The following TM7SF3 variants were observed in gnomAD, a reference collection of about 807,000 sequenced individuals.
TM7SF3 encodes transmembrane 7 superfamily member 3.
In TM7SF3, 60 loss-of-function variants were observed where a neutral mutation model predicts 65.5. That is an observed-to-expected ratio of 0.92 (90% confidence interval 0.74 to 1.14). TM7SF3 has a LOEUF of 1.14. Among genes scored for constraint, TM7SF3 ranks in the 50% most tolerant of loss-of-function variants. The pLI, the probability that TM7SF3 is intolerant of heterozygous loss-of-function variation, is 0.00. For synonymous variants in TM7SF3, 264 were observed against 259.6 expected, an observed-to-expected ratio of 1.02 and a Z score of -0.16; for missense variants, 623 against 684.8, an observed-to-expected ratio of 0.91 and a Z score of 1.01.
intron 1 of TM7SF3, chr12:27,013,159 T>C (rs1941315655): frequency 5.9e-6 from 1 of 169,180 alleles, no homozygotes; most frequent in Admixed American, 5.5e-5. Context: ...CTCTATTAAA[T>C]TGTTATTTTT....
chr12:27,011,306 T>A (rs138138811), intron 1 of TM7SF3, among the ~76,000 whole-genome samples: 1 of 152,254 alleles, frequency 6.6e-6, no homozygotes, highest in Non-Finnish European at 1.5e-5. Flanking sequence ...CCAATTACTA[T>A]GAAATTCCAC....
At position 26,976,309 on chromosome 12, in the gene TM7SF3, GAGAA is replaced by G. The variant is rs879126426; in HGVS notation, c.1234_1237del (p.Phe412LeufsTer3). On this transcript the variant is annotated frameshift_variant, in exon 10 of 12. Transcript: ENST00000343028. LOFTEE classifies it high-confidence loss of function. ...TACTGGAATGAGGATAGCTATGCAA[GAGAA>G]AGTGACCCAGAATACACCATCATCA... The G allele has an allele frequency of 2.5e-6, 4 of 1,614,032 alleles. No individual in the cohort carries two copies. The South Asian group carries it at 3.3e-5, about 13-fold the overall frequency.
chr12:26,974,450 G>C (rs1391674164), intron 11 of TM7SF3, among the ~76,000 whole-genome samples: 1 of 152,168 alleles, frequency 6.6e-6, no homozygotes, highest in Non-Finnish European at 1.5e-5. Flanking sequence ...GCATTTGAAA[G>C]TCCAGACAGG....
intron 1 of TM7SF3, among the ~76,000 whole-genome samples, chr12:27,005,428 C>T (rs1555106639): frequency 6.6e-6 from 1 of 152,140 alleles, no homozygotes; most frequent in Non-Finnish European, 1.5e-5. Context: ...AAAGGTTATC[C>T]AAGGCTTCTG....
rs755992207 is a variant in TM7SF3, at chr12:26,979,856, AGAG to A, written c.1114_1116del (p.Leu372del). The A allele has an allele frequency of 6.2e-7, 1 of 1,614,196 alleles. No homozygotes were observed. Among genetic ancestry groups the A allele is most frequent in the Admixed American group, 1.7e-5 (1 of 60,006 alleles). On this transcript the variant is annotated inframe_deletion, in exon 9 of 12. Transcript: ENST00000343028. ...AGTCCAACACAGAGCATGCAGATCG[AGAG>A]GATTCCAAATCGCCACCACACAGCT...
At chr12:26,988,361 G>A (rs899017502) in intron 6 of TM7SF3, among the ~76,000 whole-genome samples, 1 of 151,908 alleles carries the variant, frequency 6.6e-6, no homozygotes, top group Admixed American at 6.6e-5. Flanking sequence ...ACGGAGTTTC[G>A]CCATGTTGCC....
At position 27,003,334 on chromosome 12, in the gene TM7SF3, G is replaced by A. The variant is rs2136442515; in HGVS notation, c.148C>T (p.Pro50Ser). ...ATATCATGCAAAATAGCTTCCTCTG[G>A]AAAGGGCCTATTGAGCTCGAAGTAT... is the stretch of plus-strand genomic sequence containing the variant. Reference protein sequence around the residue: ...FRYFELNRPFPEEAILHDISS... With the variant: ...FRYFELNRPFSEEAILHDISS... Residue 50 changes from proline (P) to serine (S), a missense_variant, in exon 2 of 12, where the codon CCA (proline) becomes TCA (serine). Coordinates refer to ENST00000343028, the MANE Select transcript of TM7SF3 (RefSeq NM_016551.3). The A allele has an allele frequency of 6.2e-7, 1 of 1,613,678 alleles. No homozygotes were observed. The highest frequency in any genetic ancestry group is 1.1e-5 in the South Asian group (1 of 91,042).
chr12:26,996,071 T>C (rs145194391), intron 4 of TM7SF3, among the ~76,000 whole-genome samples: 175 of 151,936 alleles, frequency 1.2e-3, no homozygotes, highest in African/African-American at 4.0e-3. Flanking sequence ...CCCAGCACTT[T>C]GGGAGGCTGA....
In TM7SF3 at chr12:26,999,570, T is replaced by A; in HGVS notation, c.353A>T (p.Gln118Leu). Reference sequence around the variant, plus strand: ...TAGGATAGCCATATTCTGGACAGGCTGTATGCCTGAAGTCCCCAAGTACCA... The same window carrying A: ...TAGGATAGCCATATTCTGGACAGGCAGTATGCCTGAAGTCCCCAAGTACCA... ...CTWYLGTSGIQPVQNMAILLS... is the reference protein window; with the variant it reads ...CTWYLGTSGILPVQNMAILLS... Residue 118 changes from glutamine to leucine, a missense_variant, in exon 3 of 12, where the codon CAG becomes CTG. Physicochemically the swap from Gln to Leu is moderately radical, Grantham distance 113. Transcript: ENST00000343028. The A allele has an allele frequency of 6.2e-7, 1 of 1,614,164 alleles. No homozygotes were observed.
At chr12:26,991,119 G>A (rs1181280686) in intron 5 of TM7SF3, among the ~76,000 whole-genome samples, 3 of 146,518 alleles carry the variant, frequency 2.0e-5, no homozygotes, top group Non-Finnish European at 4.5e-5. Flanking sequence ...ATTACATGAG[G>A]TTTTGTTATG....
intron 6 of TM7SF3, 101 bp downstream of exon 6, chr12:26,990,349 T>G (rs569522051): frequency 1.2e-6 from 1 of 829,600 alleles, no homozygotes; most frequent in Non-Finnish European, 1.9e-6. Flanking sequence ...TGGAATAACG[T>G]AGGGGCTCAA....
intron 1 of TM7SF3, among the ~76,000 whole-genome samples, chr12:27,011,220 T>C (rs1941232584): frequency 1.3e-5 from 2 of 152,174 alleles, no homozygotes; most frequent in African/African-American, 2.4e-5. Flanking sequence ...CAACTAACCA[T>C]GAACAGCCTG....
At chr12:26,983,978 C>G (rs1281038370) in intron 6 of TM7SF3, among the ~76,000 whole-genome samples, 1 of 152,096 alleles carries the variant, frequency 6.6e-6, no homozygotes, top group East Asian at 1.9e-4. Context: ...TAAAACAAGG[C>G]TGCCACAAAT....
intron 1 of TM7SF3, chr12:27,012,742 G>A (rs1941291999): frequency 2.2e-6 from 1 of 456,054 alleles, no homozygotes. Context: ...GCTCATGCCT[G>A]TAATCCCAGC....
At chr12:27,002,838 T>C (rs990707463) in intron 2 of TM7SF3, among the ~76,000 whole-genome samples, 1 of 152,232 alleles carries the variant, frequency 6.6e-6, no homozygotes, top group Non-Finnish European at 1.5e-5. Context: ...TATAGGGTTC[T>C]TGGTAAAGTT....
At chr12:27,001,103 G>A (rs1244963616) in intron 2 of TM7SF3, among the ~76,000 whole-genome samples, 2 of 151,608 alleles carry the variant, frequency 1.3e-5, no homozygotes, top group African/African-American at 2.4e-5. Context: ...TTGCCATCAC[G>A]ACTCAAAAAA....
intron 7 of TM7SF3, among the ~76,000 whole-genome samples, chr12:26,982,266 G>T (rs1256147092): frequency 6.6e-6 from 1 of 152,104 alleles, no homozygotes; most frequent in African/African-American, 2.4e-5. Flanking sequence ...AAACTCCTGA[G>T]CTCAAGCAGT....
chr12:26,977,647 A>G (rs1939623475), intron 9 of TM7SF3, among the ~76,000 whole-genome samples: 1 of 152,130 alleles, frequency 6.6e-6, no homozygotes, highest in African/African-American at 2.4e-5. Context: ...CCAGCTACTC[A>G]GGAGGCTGAG....
chr12:27,013,362 A>T (rs1343513231), intron 1 of TM7SF3, among the ~76,000 whole-genome samples: 1 of 152,212 alleles, frequency 6.6e-6, no homozygotes, highest in African/African-American at 2.4e-5. Context: ...GCCCTCAAGT[A>T]AGGAGAACAA....
Sources: gnomAD v4.1 joint callset for allele counts (sites outside exome capture counted in the v4.1 genomes callset) on GRCh38, gnomAD v4.1.1 for gene constraint, MANE v1.5 for transcripts, NCBI Gene and HGNC (gene_info 2026-07-23, HGNC 2026-07-21) for gene names.